The following CACNA1E variants were observed in gnomAD, a reference collection of about 807,000 sequenced individuals.
CACNA1E encodes voltage-dependent R-type calcium channel subunit alpha-1E.
Under a neutral mutation model 259.2 loss-of-function variants are expected in CACNA1E, and 40 were observed. That is an observed-to-expected ratio of 0.15 (90% CI 0.12 to 0.20). The LOEUF (loss-of-function observed/expected upper bound fraction) is 0.20, where lower values mean the gene tolerates loss of function less well. Ranked by LOEUF, CACNA1E falls within the 10% of genes least tolerant of loss-of-function variation. The pLI is 1.00. For missense variants in CACNA1E, 1,874 were observed against 3,040.1 expected (o/e 0.62, Z 9.02); for synonymous variants, 1,104 against 1,138.5 (o/e 0.97, Z 0.61).
chr1:181,536,326 T>G (rs1470763883), intron 3 of CACNA1E, among the ~76,000 whole-genome samples: 1 of 152,202 alleles, frequency 6.6e-6, no homozygotes, highest in Non-Finnish European at 1.5e-5. Flanking sequence ...CATCTTTTTC[T>G]TACTCTTGTG....
chr1:181,472,928 G>A (rs1013723973), intron 2 of CACNA1E, among the ~76,000 whole-genome samples: 2 of 152,186 alleles, frequency 1.3e-5, no homozygotes, highest in Non-Finnish European at 2.9e-5. Context: ...GTCTGTGGGT[G>A]TTTTACCTGC....
At chr1:181,705,230 C>T (rs185520236) in intron 7 of CACNA1E, among the ~76,000 whole-genome samples, 1 of 152,318 alleles carries the variant, frequency 6.6e-6, no homozygotes, top group Non-Finnish European at 1.5e-5. Context: ...TGTCTTCTCT[C>T]CCCTCATCCC....
At chr1:181,596,628 C>G (rs1428929048) in intron 6 of CACNA1E, among the ~76,000 whole-genome samples, 2 of 150,190 alleles carry the variant, frequency 1.3e-5, no homozygotes, top group South Asian at 2.1e-4. Flanking sequence ...AGATGCCCTG[C>G]AGGCCCAGGG....
chr1:181,395,403 G>C (rs745519842), intron 1 of CACNA1E, among the ~76,000 whole-genome samples: 4 of 152,148 alleles, frequency 2.6e-5, no homozygotes, highest in Non-Finnish European at 4.4e-5. Flanking sequence ...TATCCAAGTA[G>C]AGAAGTCATG....
chr1:181,408,704 C>T (rs1657636105), intron 1 of CACNA1E, among the ~76,000 whole-genome samples: 1 of 152,216 alleles, frequency 6.6e-6, no homozygotes, highest in Admixed American at 6.5e-5. Flanking sequence ...TTTAAAATCA[C>T]ACCCTCTGCT....
chr1:181,654,884 T>C (rs1659069829), intron 7 of CACNA1E, among the ~76,000 whole-genome samples: 1 of 148,174 alleles, frequency 6.7e-6, no homozygotes, highest in African/African-American at 2.5e-5. Flanking sequence ...CGCGAGAGGC[T>C]GAGGCAGGAG....
intron 7 of CACNA1E, among the ~76,000 whole-genome samples, chr1:181,659,501 G>A (rs1262181226): frequency 6.6e-6 from 1 of 152,190 alleles, no homozygotes; most frequent in Non-Finnish European, 1.5e-5. Flanking sequence ...AGGGGCTACA[G>A]GGCAGCGGCT....
intron 2 of CACNA1E, among the ~76,000 whole-genome samples, chr1:181,464,103 C>T (rs1196256116): frequency 2.0e-5 from 3 of 152,102 alleles, no homozygotes; most frequent in Non-Finnish European, 4.4e-5. Flanking sequence ...TTTTATTCCA[C>T]TGGTCTATTT....
chr1:181,444,674 C>T (rs1442569927), intron 2 of CACNA1E, among the ~76,000 whole-genome samples: 2 of 152,174 alleles, frequency 1.3e-5, no homozygotes, highest in Non-Finnish European at 2.9e-5. Flanking sequence ...TGGGACCCTG[C>T]CCCTCCTGTC....
At chr1:181,738,285 C>T in intron 23 of CACNA1E, 82 bp from the exon 24 acceptor site, 1 of 1,097,618 alleles carries the variant, frequency 9.1e-7, no homozygotes, top group South Asian at 1.2e-5. Flanking sequence ...TGCACGAGTG[C>T]ATGTGTCCTG....
chr1:181,646,340 C>T (rs1658262902), intron 6 of CACNA1E, among the ~76,000 whole-genome samples: 1 of 152,182 alleles, frequency 6.6e-6, no homozygotes, highest in Admixed American at 6.5e-5. Context: ...CAGGAGAGCC[C>T]CCACCAAACA....
At chr1:181,655,235 G>T (rs1659114784) in intron 7 of CACNA1E, among the ~76,000 whole-genome samples, 1 of 152,050 alleles carries the variant, frequency 6.6e-6, no homozygotes. Flanking sequence ...GAGAACAAAT[G>T]AGTTTAATTA....
chr1:181,755,446 A>G, intron 28 of CACNA1E, 49 bp downstream of exon 28: 3 of 1,453,972 alleles, frequency 2.1e-6, no homozygotes, highest in Non-Finnish European at 2.9e-6. Context: ...GCATGTCCTG[A>G]TGATCCCACT....
intron 2 of CACNA1E, among the ~76,000 whole-genome samples, chr1:181,462,328 T>C (rs1028942734): frequency 1.3e-5 from 2 of 152,224 alleles, no homozygotes; most frequent in African/African-American, 4.8e-5. Context: ...TTGAGAAGTA[T>C]TGCCCTACCT....
At chr1:181,750,521 T>C in intron 26 of CACNA1E, 34 bp downstream of exon 26, 1 of 1,605,114 alleles carries the variant, frequency 6.2e-7, no homozygotes, top group Non-Finnish European at 8.5e-7. Flanking sequence ...AAGTAAACGA[T>C]ACAAGGAATG....
At chr1:181,775,243 T>C (rs1179729523) in intron 37 of CACNA1E, among the ~76,000 whole-genome samples, 2 of 152,118 alleles carry the variant, frequency 1.3e-5, no homozygotes, top group African/African-American at 4.8e-5. Flanking sequence ...CAGGAGGGCA[T>C]CCCACTGAAT....
chr1:181,343,160 A>C (rs908929247), intron 1 of CACNA1E, among the ~76,000 whole-genome samples: 1 of 151,946 alleles, frequency 6.6e-6, no homozygotes, highest in African/African-American at 2.4e-5. Context: ...GGGTCCATTC[A>C]CTGACAAGGA....
intron 3 of CACNA1E, among the ~76,000 whole-genome samples, chr1:181,569,542 C>A (rs1341465631): frequency 6.6e-6 from 1 of 152,216 alleles, no homozygotes; most frequent in African/African-American, 2.4e-5. Context: ...AATCAAATCA[C>A]ACTTCAGTAA....
At chr1:181,787,031 T>A (rs1044872359) in intron 43 of CACNA1E, among the ~76,000 whole-genome samples, 1 of 152,012 alleles carries the variant, frequency 6.6e-6, no homozygotes, top group Admixed American at 6.6e-5. Context: ...CAAGTCAGTG[T>A]TTATCTTCTG....
Sources: gnomAD v4.1 joint callset for allele counts (sites outside exome capture counted in the v4.1 genomes callset) on GRCh38, gnomAD v4.1.1 for gene constraint, MANE v1.5 for transcripts, NCBI Gene and HGNC (gene_info 2026-07-23, HGNC 2026-07-21) for gene names.